Variants in DPP10 observed in about 807,000 individuals in gnomAD.
The protein encoded by DPP10 is inactive dipeptidyl peptidase 10.
DPP10 carries 33 observed loss-of-function variants against 120.9 expected under a neutral mutation model. That is an observed-to-expected ratio of 0.27 (90% CI 0.21 to 0.37). The LOEUF is 0.37. DPP10 is among the 10% of genes least tolerant of loss of function. The pLI, the probability that DPP10 is intolerant of heterozygous loss-of-function variation, is 1.00. For missense variants in DPP10, 816 were observed against 942.8 expected (o/e 0.87, Z 1.76); for synonymous variants, 337 against 326.1 (o/e 1.03, Z -0.36).
intron 21 of DPP10, among the ~76,000 whole-genome samples, chr2:115,835,219 G>A (rs1689352353): frequency 6.6e-6 from 1 of 151,864 alleles, no homozygotes; most frequent in South Asian, 2.1e-4. Flanking sequence ...CAAGAAAAAT[G>A]GGCAGATCTC....
intron 3 of DPP10, among the ~76,000 whole-genome samples, chr2:115,404,630 T>C: frequency 6.6e-6 from 1 of 150,754 alleles, no homozygotes; most frequent in African/African-American, 2.4e-5. Flanking sequence ...TAATCTATTT[T>C]AAAAAAAAAG....
At chr2:115,724,028 T>C (rs1280694115) in intron 7 of DPP10, among the ~76,000 whole-genome samples, 1 of 152,194 alleles carries the variant, frequency 6.6e-6, no homozygotes, top group Non-Finnish European at 1.5e-5. Context: ...ACAAGTCTAA[T>C]GTTTAATTAT....
intron 1 of DPP10, among the ~76,000 whole-genome samples, chr2:115,017,373 G>A (rs1702723948): frequency 6.6e-6 from 1 of 152,076 alleles, no homozygotes; most frequent in South Asian, 2.1e-4. Flanking sequence ...GAGAGGATGT[G>A]GAGAAATAGG....
intron 1 of DPP10, among the ~76,000 whole-genome samples, chr2:114,835,759 C>T (rs1687684847): frequency 6.6e-6 from 1 of 152,036 alleles, no homozygotes; most frequent in Non-Finnish European, 1.5e-5. Context: ...CTGTCATGTG[C>T]CCAGTAAGTT....
At chr2:115,796,950 G>A (rs191206153) in intron 19 of DPP10, among the ~76,000 whole-genome samples, 23 of 152,106 alleles carry the variant, frequency 1.5e-4, no homozygotes, top group Admixed American at 6.6e-4. Flanking sequence ...AACCTCTGCT[G>A]TATTACCCAA....
At chr2:114,715,873 C>T (rs1043392256) in intron 1 of DPP10, among the ~76,000 whole-genome samples, 3 of 151,738 alleles carry the variant, frequency 2.0e-5, no homozygotes, top group African/African-American at 4.8e-5. Flanking sequence ...AGTACTTTGT[C>T]TTATGATATG....
intron 1 of DPP10, chr2:115,065,752 G>A (rs1706783731): frequency 6.9e-6 from 1 of 145,324 alleles, no homozygotes; most frequent in Admixed American, 6.8e-5. Flanking sequence ...GAAAGTAGAA[G>A]AGTAAAATTG....
intron 4 of DPP10, among the ~76,000 whole-genome samples, chr2:115,521,593 A>C (rs1342698271): frequency 6.7e-6 from 1 of 148,262 alleles, no homozygotes; most frequent in African/African-American, 2.5e-5. Context: ...TCCATCTTCA[A>C]ATCTAATCCT....
intron 1 of DPP10, among the ~76,000 whole-genome samples, chr2:114,834,350 GTCTACACACCTATGTATATAAAAGACATA>G (rs1687437654): frequency 2.5e-4 from 29 of 115,424 alleles, no homozygotes; most frequent in Middle Eastern, 8.2e-3. Flanking sequence ...TAAAAGACAT[GTCTACACACCTATGTATATAAAAGACATA>G]TCTACACACC....
intron 1 of DPP10, among the ~76,000 whole-genome samples, chr2:114,724,796 G>A (rs541925928): frequency 6.6e-6 from 1 of 152,148 alleles, no homozygotes; most frequent in Non-Finnish European, 1.5e-5. Flanking sequence ...AATCAGAGTT[G>A]TAGTGATCTG....
chr2:115,028,165 T>G (rs1401142602), intron 1 of DPP10, among the ~76,000 whole-genome samples: 1 of 152,186 alleles, frequency 6.6e-6, no homozygotes, highest in South Asian at 2.1e-4. Flanking sequence ...ATTATTGCTT[T>G]GTCAGTTCCT....
At chr2:115,295,951 TA>T (rs1178173826) in intron 1 of DPP10, among the ~76,000 whole-genome samples, 1 of 152,148 alleles carries the variant, frequency 6.6e-6, no homozygotes, top group Non-Finnish European at 1.5e-5. Context: ...TCAGAGTTAA[TA>T]AGTGATAATA....
At chr2:115,819,378 C>T (rs140693769) in intron 21 of DPP10, among the ~76,000 whole-genome samples, 216 of 152,284 alleles carry the variant, frequency 1.4e-3, no homozygotes, top group African/African-American at 5.0e-3. Context: ...AATCATTTCA[C>T]TTGTGGCAGT....
chr2:114,764,446 A>G (rs1680543884), intron 1 of DPP10, among the ~76,000 whole-genome samples: 1 of 151,922 alleles, frequency 6.6e-6, no homozygotes, highest in Non-Finnish European at 1.5e-5. Flanking sequence ...AAGACATTAG[A>G]ATTGTTCCAG....
chr2:114,789,219 G>A (rs1683038074), intron 1 of DPP10, among the ~76,000 whole-genome samples: 1 of 152,106 alleles, frequency 6.6e-6, no homozygotes, highest in African/African-American at 2.4e-5. Context: ...CTATACAAAA[G>A]CAAAAACTTA....
At chr2:114,769,147 A>C (rs1681017743) in intron 1 of DPP10, among the ~76,000 whole-genome samples, 1 of 152,186 alleles carries the variant, frequency 6.6e-6, no homozygotes, top group East Asian at 1.9e-4. Flanking sequence ...AGAGTAGATT[A>C]AATGAATGAA....
At chr2:115,641,293 A>G (rs2086759311) in intron 5 of DPP10, among the ~76,000 whole-genome samples, 1 of 152,164 alleles carries the variant, frequency 6.6e-6, no homozygotes, top group African/African-American at 2.4e-5. Context: ...GAGAATCAGG[A>G]CAAGTTTTGC....
intron 1 of DPP10, among the ~76,000 whole-genome samples, chr2:115,094,834 C>A (rs938260974): frequency 6.6e-6 from 1 of 152,000 alleles, no homozygotes; most frequent in Non-Finnish European, 1.5e-5. Context: ...TTTTAACTTA[C>A]GAGGGTTTAA....
chr2:115,382,073 G>C (rs1161237870), intron 3 of DPP10, among the ~76,000 whole-genome samples: 2 of 152,114 alleles, frequency 1.3e-5, no homozygotes, highest in African/African-American at 2.4e-5. Flanking sequence ...AGCTGTGGTG[G>C]GCTCCACCCA....
Sources: gnomAD v4.1 joint callset for allele counts (sites outside exome capture counted in the v4.1 genomes callset) on GRCh38, gnomAD v4.1.1 for gene constraint, MANE v1.5 for transcripts, NCBI Gene and HGNC (gene_info 2026-07-23, HGNC 2026-07-21) for gene names.